Variants in CAMTA1 observed in about 807,000 individuals in gnomAD.
CAMTA1 encodes calmodulin-binding transcription activator 1.
In CAMTA1, 27 loss-of-function variants were observed where a neutral mutation model predicts 170.9. The observed-to-expected ratio is 0.16, with a 90% CI of 0.12 to 0.22. The LOEUF is 0.22. Ranked by LOEUF, CAMTA1 falls within the 10% of genes least tolerant of loss-of-function variation. The probability of loss-of-function intolerance (pLI) is 1.00; values close to 1 mark genes in which losing one functional copy is unlikely to be tolerated. For synonymous variants in CAMTA1, 833 were observed against 891.5 expected, an observed-to-expected ratio of 0.93 and a Z score of 1.17; for missense variants, 1,619 against 2,217.2, an observed-to-expected ratio of 0.73 and a Z score of 5.42.
rs3058551 is a variant in CAMTA1 at position 7,089,532 on chromosome 1, CCCCATCCCATCCCATCCCAT to C, written c.235-1734_235-1715del. On this transcript the variant is annotated intron_variant, in intron 3 of 22. Coordinates refer to ENST00000303635, the MANE Select transcript of CAMTA1 (RefSeq NM_015215.4). Reference sequence around the variant, plus strand: ...CTTCTGCCATGCACGTTTTTCCTAGCCCCATCCCATCCCATCCCATCCCATCCCATCCCATCCCATCCCAT... The same window carrying C: ...CTTCTGCCATGCACGTTTTTCCTAGCCCCATCCCATCCCATCCCATCCCAT... 9.4e-4 allele frequency among the ~76,000 whole-genome samples: 112 copies of C among 119,392 alleles called. 2 individuals carry two copies. Among genetic ancestry groups the C allele is most frequent in the South Asian group, 7.0e-3 (21 of 3,018 alleles). The allele number at this position is 119,392 out of a possible 152,430, so 78.3% of individuals were successfully genotyped here.
At chr1:6,862,635 T>C (rs11806183) in intron 3 of CAMTA1, among the ~76,000 whole-genome samples, 1,898 of 152,332 alleles carry the variant, frequency 0.012, 34 homozygotes, top group African/African-American at 0.043. Flanking sequence ...TTTAATGATT[T>C]TTCAGACATA....
At chr1:7,002,536 T>A (rs1463497672) in intron 3 of CAMTA1, among the ~76,000 whole-genome samples, 1 of 152,238 alleles carries the variant, frequency 6.6e-6, no homozygotes, top group African/African-American at 2.4e-5. Context: ...CTAATAAGAA[T>A]ACTTTCTATG....
At chr1:6,847,026 C>T (rs974275570) in intron 3 of CAMTA1, among the ~76,000 whole-genome samples, 5 of 148,330 alleles carry the variant, frequency 3.4e-5, no homozygotes, top group Non-Finnish European at 4.5e-5. Context: ...TTTTTGGAGA[C>T]GGAATCTTGC....
rs183379277 is a variant in CAMTA1 at position 7,592,731 on chromosome 1, C to T, written c.511-47669C>T. On this transcript the variant is annotated intron_variant, in intron 6 of 22. Transcript: ENST00000303635. The surrounding 1 kb of genome is among the most constrained non-coding windows in gnomAD (Gnocchi z 4.6). Reference sequence around the variant, plus strand: ...AGGACACACAGTGTCCTCATGGAGTCAACCAGCATCTCCTGCATCCTCTAC... The same window carrying T: ...AGGACACACAGTGTCCTCATGGAGTTAACCAGCATCTCCTGCATCCTCTAC... Among the ~76,000 whole-genome samples the T allele has an allele frequency of 2.8e-4, 43 of 152,268 alleles. No homozygotes were observed. The Middle Eastern group carries it at 0.017, about 60-fold the overall frequency.
chr1:6,999,557 T>A (rs1271536285), intron 3 of CAMTA1, among the ~76,000 whole-genome samples: 1 of 152,186 alleles, frequency 6.6e-6, no homozygotes, highest in Non-Finnish European at 1.5e-5. Context: ...CTAATTTTTG[T>A]GTTTTTGTAG....
intron 3 of CAMTA1, among the ~76,000 whole-genome samples, chr1:6,912,622 G>A (rs1330116830): frequency 3.3e-5 from 5 of 152,186 alleles, no homozygotes; most frequent in Non-Finnish European, 1.5e-5. Flanking sequence ...CTGTCCCTCC[G>A]CAGGGGAGGA....
intron 3 of CAMTA1, among the ~76,000 whole-genome samples, chr1:6,925,728 G>A (rs922228744): frequency 5.3e-5 from 8 of 152,210 alleles, no homozygotes; most frequent in African/African-American, 1.9e-4. Context: ...GCACCCATAA[G>A]TGGAGCCCTG....
At chr1:7,744,778 T>C in intron 16 of CAMTA1, 57 bp from the exon 17 acceptor site, 1 of 1,505,168 alleles carries the variant, frequency 6.6e-7, no homozygotes, top group Non-Finnish European at 9.1e-7. Flanking sequence ...GAGGTAGACC[T>C]GGATAACTTG....
chr1:7,504,850 CAG>C (rs2094074240), intron 6 of CAMTA1, among the ~76,000 whole-genome samples: 1 of 152,284 alleles, frequency 6.6e-6, no homozygotes, highest in African/African-American at 2.4e-5. Context: ...TGGCCTTTCT[CAG>C]AATGCCATGC....
intron 7 of CAMTA1, among the ~76,000 whole-genome samples, chr1:7,661,227 ACC>A (rs59821591): frequency 0.21 from 31,877 of 151,878 alleles, 3,615 homozygotes; most frequent in Middle Eastern, 0.34. Context: ...CCAGAGTCTT[ACC>A]CCCCAGGGTG....
intron 4 of CAMTA1, among the ~76,000 whole-genome samples, chr1:7,127,333 A>G (rs1644998091): frequency 2.3e-5 from 3 of 131,544 alleles, no homozygotes; most frequent in African/African-American, 8.8e-5. Context: ...GCACCCAGGG[A>G]CCTTGCTCAC....
intron 11 of CAMTA1, among the ~76,000 whole-genome samples, chr1:7,683,412 C>T (rs990313491): frequency 1.3e-5 from 2 of 152,088 alleles, no homozygotes; most frequent in Admixed American, 6.5e-5. Context: ...CTTCAAAGAG[C>T]TACTTTGAAT....
chr1:6,995,280 T>C (rs1202781100), intron 3 of CAMTA1, among the ~76,000 whole-genome samples: 1 of 144,356 alleles, frequency 6.9e-6, no homozygotes. Context: ...TCCTTTAAAA[T>C]CTTTTTTTTC....
chr1:7,731,859 C>T (rs1418412844), intron 11 of CAMTA1, among the ~76,000 whole-genome samples: 1 of 152,124 alleles, frequency 6.6e-6, no homozygotes, highest in Non-Finnish European at 1.5e-5. Flanking sequence ...GTCTGGGCGA[C>T]AACGTGAGAC....
chr1:7,559,570 C>T (rs1016360259), intron 6 of CAMTA1, among the ~76,000 whole-genome samples: 2 of 152,200 alleles, frequency 1.3e-5, no homozygotes, highest in African/African-American at 4.8e-5. Flanking sequence ...AGCTCGGAGC[C>T]CTGCAGAAGG....
intron 5 of CAMTA1, among the ~76,000 whole-genome samples, chr1:7,427,487 A>G (rs144835696): frequency 1.8e-3 from 271 of 152,340 alleles, no homozygotes; most frequent in African/African-American, 5.7e-3. Context: ...CTAAATTGGA[A>G]TGTGAAGATT....
chr1:7,566,911 G>A (rs1240529807), intron 6 of CAMTA1, among the ~76,000 whole-genome samples: 2 of 152,208 alleles, frequency 1.3e-5, no homozygotes, highest in African/African-American at 2.4e-5. Context: ...GTCTTCATGG[G>A]CCAGTCTTCA....
chr1:6,979,970 TG>T (rs1439235055), intron 3 of CAMTA1, among the ~76,000 whole-genome samples: 1 of 152,158 alleles, frequency 6.6e-6, no homozygotes, highest in Non-Finnish European at 1.5e-5. Flanking sequence ...GTCTCAGTGC[TG>T]TGAATTGTGG....
In CAMTA1 at chr1:7,079,585, C is replaced by T. The variant is rs187974763; in HGVS notation, c.235-11719C>T. On this transcript the variant is annotated intron_variant, in intron 3 of 22. Coordinates refer to ENST00000303635, the MANE Select transcript of CAMTA1 (RefSeq NM_015215.4). ...CTCCCAGGTTCAAGCGATTCTTGTG[C>T]CTCAGCCTCCCAAGTAGCTGGAATT... is the stretch of plus-strand genomic sequence containing the variant. Among the ~76,000 whole-genome samples, 2 of 152,156 alleles carry T rather than the reference C, an allele frequency of 1.3e-5. 1 individual carries two copies. The highest frequency in any genetic ancestry group is 3.9e-4 in the East Asian group (2 of 5,186).
Sources: allele counts gnomAD v4.1 joint callset (sites outside exome capture counted in the v4.1 genomes callset), GRCh38; gene constraint gnomAD v4.1.1; non-coding constraint Gnocchi (gnomAD v3.1); transcripts MANE v1.5; gene names NCBI Gene and HGNC (gene_info 2026-07-23, HGNC 2026-07-21).